RABEP1: variants seen among roughly 807,000 people sequenced by gnomAD.
The protein encoded by RABEP1 is rabaptin, RAB GTPase binding effector protein 1.
In RABEP1, 51 loss-of-function variants were observed where a neutral mutation model predicts 123.4. The observed-to-expected ratio is 0.41, with a 90% CI of 0.33 to 0.52. RABEP1 has a LOEUF of 0.52. Among genes scored for constraint, RABEP1 ranks in the 20% least tolerant of loss-of-function variants. RABEP1 has a pLI of 0.16. For synonymous variants in RABEP1, 347 were observed against 355.2 expected, an observed-to-expected ratio of 0.98 and a Z score of 0.26; for missense variants, 888 against 996.3, an observed-to-expected ratio of 0.89 and a Z score of 1.46.
chr17:5,347,099 T>C (rs1186394810), intron 6 of RABEP1, among the ~76,000 whole-genome samples, 174 bp downstream of exon 6: 1 of 152,190 alleles, frequency 6.6e-6, no homozygotes, highest in Non-Finnish European at 1.5e-5. Context: ...GGTTTTTCCT[T>C]CGTGAGCTCA....
At chr17:5,315,702 A>G (rs575621802) in intron 2 of RABEP1, among the ~76,000 whole-genome samples, 3 of 151,996 alleles carry the variant, frequency 2.0e-5, no homozygotes, top group African/African-American at 7.3e-5. Context: ...AATACAAAAA[A>G]CTAGCCGAGC....
chr17:5,282,624 C>T, intron 1 of RABEP1, 104 bp downstream of exon 1: 1 of 798,840 alleles, frequency 1.3e-6, no homozygotes, highest in Non-Finnish European at 1.5e-6. Flanking sequence ...GCGCGCAGGC[C>T]CCGGGGGTGA....
chr17:5,283,712 C>G (rs762123920), intron 1 of RABEP1, among the ~76,000 whole-genome samples: 7 of 151,986 alleles, frequency 4.6e-5, no homozygotes, highest in Admixed American at 2.6e-4. Flanking sequence ...TTATTTTTGC[C>G]TTTGGGGAAC....
intron 2 of RABEP1, among the ~76,000 whole-genome samples, chr17:5,323,700 A>C (rs1597355296): frequency 9.7e-6 from 1 of 102,898 alleles, no homozygotes; most frequent in African/African-American, 5.3e-5. Flanking sequence ...ATCTCTCTCT[A>C]GGAATATATA....
chr17:5,359,727 T>C (rs928036506), intron 8 of RABEP1, among the ~76,000 whole-genome samples: 3 of 152,188 alleles, frequency 2.0e-5, no homozygotes, highest in African/African-American at 7.2e-5. Flanking sequence ...TAACAACAAC[T>C]GTATTCCACA....
chr17:5,353,940 G>A (rs1908786468), intron 7 of RABEP1, among the ~76,000 whole-genome samples: 1 of 152,164 alleles, frequency 6.6e-6, no homozygotes, highest in African/African-American at 2.4e-5. Flanking sequence ...AACCATATTT[G>A]CACCACTGCA....
In RABEP1 at chr17:5,362,961, A is replaced by G. The variant is rs1909686320; in HGVS notation, c.1613A>G (p.Asn538Ser). ...GGTAGACGTTGTGATATGTGTTCCA[A>G]TTACGAAAAACAGTTACAAGGAATT... Reference protein sequence around the residue: ...KLGRRCDMCSNYEKQLQGIQI... With the variant: ...KLGRRCDMCSSYEKQLQGIQI... Residue 538 changes from asparagine (N) to serine (S), a missense_variant, in exon 10 of 18, where the codon AAT (asparagine) becomes AGT (serine). Physicochemically the swap from Asn to Ser is conservative, Grantham distance 46. Coordinates refer to ENST00000537505, the MANE Select transcript of RABEP1 (RefSeq NM_004703.6). The G allele has an allele frequency of 8.7e-6, 14 of 1,614,134 alleles. No individual in the cohort carries two copies. The highest frequency in any genetic ancestry group is 1.7e-5 in the Admixed American group (1 of 60,018).
intron 2 of RABEP1, among the ~76,000 whole-genome samples, chr17:5,323,772 A>ATATT (rs796354247): frequency 1.0e-5 from 1 of 97,266 alleles, no homozygotes; most frequent in East Asian, 3.9e-4. Flanking sequence ...ATATATATAT[A>ATATT]TCTAGGAATA....
rs34390571 is a variant in RABEP1 at position 5,308,228 on chromosome 17, CT to C, written c.35-451del. ...TGTGTATTAAGTCTAATACAAGGAT[CT>C]TTTTTTTTTTTTTTGAGACAGAGTC... On this transcript the variant is annotated intron_variant, in intron 1 of 17. Transcript: ENST00000537505. Among the ~76,000 whole-genome samples, 315 of 140,154 alleles carry C rather than the reference CT, an allele frequency of 2.2e-3. 1 individual carries two copies. The highest frequency in any genetic ancestry group is 6.2e-3 in the African/African-American group (236 of 37,814). 91.9% of individuals were successfully genotyped at this position (140,154 alleles called of 152,430 possible).
rs951547416 is a variant in RABEP1, at chr17:5,384,516, G to C, written c.*1293G>C. 3.7e-5 allele frequency: 8 copies of C among 215,784 alleles called. No homozygotes were observed. The highest frequency in any genetic ancestry group is 7.5e-5 in the Non-Finnish European group (8 of 107,224). The allele number at this position is 215,784 out of a possible 1,614,324, so 13.4% of individuals were successfully genotyped here. ...CTGAAAGAGCCTTCTGGGAGTTAGTGAACTAGGTAGATTGTTTTGTTCACA... is the reference window on the plus strand; with the variant it reads ...CTGAAAGAGCCTTCTGGGAGTTAGTCAACTAGGTAGATTGTTTTGTTCACA... On this transcript the variant is annotated 3_prime_UTR_variant, in exon 18 of 18. Coordinates refer to ENST00000537505, the MANE Select transcript of RABEP1 (RefSeq NM_004703.6).
At chr17:5,371,855 T>A (rs898583560) in intron 12 of RABEP1, among the ~76,000 whole-genome samples, 1 of 152,196 alleles carries the variant, frequency 6.6e-6, no homozygotes, top group Non-Finnish European at 1.5e-5. Context: ...GACCATGAGC[T>A]TCTCCAGGGC....
intron 13 of RABEP1, among the ~76,000 whole-genome samples, chr17:5,374,312 C>T (rs916896027): frequency 6.6e-6 from 1 of 151,972 alleles, no homozygotes; most frequent in Non-Finnish European, 1.5e-5. Context: ...ACGTGAGCCA[C>T]CATGCCCAGC....
intron 2 of RABEP1, among the ~76,000 whole-genome samples, chr17:5,313,658 T>C (rs935331405): frequency 6.6e-6 from 1 of 152,222 alleles, no homozygotes. Flanking sequence ...TAAGATTGCA[T>C]TGATGCATCT....
chr17:5,323,948 C>A (rs1035375906), intron 2 of RABEP1, among the ~76,000 whole-genome samples: 1 of 150,138 alleles, frequency 6.7e-6, no homozygotes, highest in Non-Finnish European at 1.5e-5. Context: ...GACACACATA[C>A]AAATGGAAAG....
At chr17:5,341,613 A>G (rs1907617660) in intron 5 of RABEP1, among the ~76,000 whole-genome samples, 1 of 152,234 alleles carries the variant, frequency 6.6e-6, no homozygotes. Flanking sequence ...TTATGAGACT[A>G]GTAGATCTTC....
chr17:5,367,543 A>C (rs957500924), intron 11 of RABEP1, among the ~76,000 whole-genome samples: 1 of 151,836 alleles, frequency 6.6e-6, no homozygotes, highest in Non-Finnish European at 1.5e-5. Flanking sequence ...TGCTAGGATT[A>C]CAGGCGTGAG....
chr17:5,313,994 A>G (rs2075269983), intron 2 of RABEP1, among the ~76,000 whole-genome samples: 1 of 152,184 alleles, frequency 6.6e-6, no homozygotes, highest in Non-Finnish European at 1.5e-5. Flanking sequence ...AGGTGTTTAC[A>G]GTATAAACCA....
chr17:5,381,561 C>T, intron 17 of RABEP1, 56 bp downstream of exon 17: 1 of 1,563,922 alleles, frequency 6.4e-7, no homozygotes, highest in Non-Finnish European at 8.6e-7. Context: ...GGGGACAGAA[C>T]CTTGCCGATC....
intron 2 of RABEP1, among the ~76,000 whole-genome samples, chr17:5,327,884 A>G (rs1906133874): frequency 6.6e-6 from 1 of 152,224 alleles, no homozygotes; most frequent in Admixed American, 6.5e-5. Context: ...AATTTGAAAT[A>G]TGACAAAGAT....
Sources: allele counts gnomAD v4.1 joint callset (sites outside exome capture counted in the v4.1 genomes callset), GRCh38; gene constraint gnomAD v4.1.1; transcripts MANE v1.5; gene names NCBI Gene and HGNC (gene_info 2026-07-23, HGNC 2026-07-21).